DUSP19: variants seen among roughly 807,000 people sequenced by gnomAD.
The protein encoded by DUSP19 is dual specificity phosphatase 19, also known as dual specificity protein phosphatase 19.
A neutral mutation model predicts 16.6 loss-of-function variants in DUSP19; 14 were observed. That is an observed-to-expected ratio of 0.84 (90% confidence interval 0.56 to 1.32). The LOEUF (loss-of-function observed/expected upper bound fraction) is 1.32. DUSP19 is among the 40% of genes most tolerant of loss of function. DUSP19 has a pLI of 0.00. For missense variants in DUSP19, 258 were observed against 255.9 expected, an observed-to-expected ratio of 1.01 and a Z score of -0.06; for synonymous variants, 81 against 90.5, an observed-to-expected ratio of 0.90 and a Z score of 0.59.
At position 183,078,890 on chromosome 2, in the gene DUSP19, C is replaced by G; in HGVS notation, c.-44C>G. ...ACTAGCAGTTCAGCCGTTTTCTATG[C>G]CTGCTGGATTTGTTTGTATTTGTTC... On this transcript the variant is annotated 5_prime_UTR_variant, in exon 1 of 4. Transcript: ENST00000354221. 6.3e-7 allele frequency: 1 copy of G among 1,579,644 alleles called. No homozygotes were observed.
intron 3 of DUSP19, among the ~76,000 whole-genome samples, chr2:183,094,114 G>A (rs569669328): frequency 6.6e-6 from 1 of 152,232 alleles, no homozygotes; most frequent in South Asian, 2.1e-4. Context: ...AATGTAAGAT[G>A]TGAAAAAAGA....
In DUSP19 at chr2:183,099,297, A is replaced by G. The variant is rs1349069944; in HGVS notation, c.*3639A>G. ...CATGATAAATTTAAAAACAACAGAA[A>G]TGTGGCATGATTACTTATTTATTTG... On this transcript the variant is annotated 3_prime_UTR_variant, in exon 4 of 4. Coordinates refer to ENST00000354221, the MANE Select transcript of DUSP19 (RefSeq NM_080876.4). The G allele has an allele frequency of 2.6e-5, 4 of 152,210 alleles. No individual in the cohort carries two copies. Among genetic ancestry groups the G allele is most frequent in the African/African-American group, 9.6e-5 (4 of 41,460 alleles). The allele number at this position is 152,210 out of a possible 1,614,324, so 9.4% of individuals were successfully genotyped here. A position where few individuals can be genotyped will look rare whatever the true frequency, so the allele number is the denominator to read the frequency against.
intron 1 of DUSP19, 94 bp from the exon 2 acceptor site, chr2:183,083,413 CT>C (rs533797314): frequency 0.01 from 10,912 of 1,066,716 alleles, no homozygotes; most frequent in South Asian, 0.017. Flanking sequence ...AGTTGTTGGT[CT>C]TTTTTTTTTA....
chr2:183,080,557 T>C (rs1401022701), intron 1 of DUSP19, among the ~76,000 whole-genome samples: 3 of 152,226 alleles, frequency 2.0e-5, no homozygotes, highest in Admixed American at 6.5e-5. Context: ...GGCACATTTT[T>C]CAGTTATTTT....
intron 1 of DUSP19, among the ~76,000 whole-genome samples, chr2:183,082,964 T>A (rs1185260653): frequency 1.3e-5 from 2 of 151,498 alleles, no homozygotes; most frequent in Non-Finnish European, 2.9e-5. Context: ...TGCAGTGGCA[T>A]AACCATAGCT....
In DUSP19 at chr2:183,096,686, A is replaced by C. The variant is rs1324630900; in HGVS notation, c.*1028A>C. ...GTGCTTTTTATCTTGGGTGCCTAGC[A>C]TTCTGTTTTTTTGATCCTATGTCAT... is the stretch of plus-strand genomic sequence containing the variant. On this transcript the variant is annotated 3_prime_UTR_variant, in exon 4 of 4. Transcript: ENST00000354221. The C allele has an allele frequency of 6.6e-6, 1 of 150,730 alleles. No individual in the cohort carries two copies. The highest frequency in any genetic ancestry group is 1.5e-5 in the Non-Finnish European group (1 of 67,806). The allele number at this position is 150,730 out of a possible 1,614,324, so 9.3% of individuals were successfully genotyped here.
At chr2:183,095,351 G>C (rs748932935) in intron 3 of DUSP19, 80 bp from the exon 4 acceptor site, 142 of 1,047,208 alleles carry the variant, frequency 1.4e-4, no homozygotes, top group Admixed American at 2.3e-4. Flanking sequence ...ATACTTTCAA[G>C]TAGTATAAGA....
At position 183,095,687 on chromosome 2, in the gene DUSP19, G is replaced by A. The variant is rs1575098940; in HGVS notation, c.*29G>A. ...GCATTGTAGCAGACAATGGACAACT[G>A]TAGTTTCTGAATTGACTTCTATAGC... On this transcript the variant is annotated 3_prime_UTR_variant, in exon 4 of 4. Transcript: ENST00000354221. 2 of 1,553,174 alleles carry A rather than the reference G, an allele frequency of 1.3e-6. No homozygotes were observed. Among genetic ancestry groups the A allele is most frequent in the Middle Eastern group, 1.7e-4 (1 of 5,878 alleles).
chr2:183,099,767 A>T lies in DUSP19; in HGVS notation c.*4109A>T, dbSNP rs1339425387. On this transcript the variant is annotated 3_prime_UTR_variant, in exon 4 of 4. Transcript: ENST00000354221. ...TGTAATCCCAACATTTTGGGAGGCC[A>T]AGGAGATGGATCACTTGAGGCCAGG... The T allele has an allele frequency of 6.6e-6, 1 of 151,818 alleles. No individual in the cohort carries two copies. Among genetic ancestry groups the T allele is most frequent in the African/African-American group, 2.4e-5 (1 of 41,124 alleles). The allele number at this position is 151,818 out of a possible 1,614,324, so 9.4% of individuals were successfully genotyped here. A position where few individuals can be genotyped will look rare whatever the true frequency, so the allele number is the denominator to read the frequency against.
intron 3 of DUSP19, among the ~76,000 whole-genome samples, chr2:183,088,100 T>G (rs1699684725): frequency 3.9e-5 from 6 of 152,234 alleles, no homozygotes; most frequent in Non-Finnish European, 2.9e-5. Context: ...TCCATAAGAT[T>G]ATAATAATGT....
At chr2:183,086,831 GATA>G (rs1699668629) in intron 2 of DUSP19, among the ~76,000 whole-genome samples, 1 of 148,970 alleles carries the variant, frequency 6.7e-6, no homozygotes, top group South Asian at 2.1e-4. Flanking sequence ...TCTGCATGAT[GATA>G]ATAATAAGTT....
chr2:183,090,320 A>G (rs1219015008), intron 3 of DUSP19, among the ~76,000 whole-genome samples: 6 of 152,194 alleles, frequency 3.9e-5, no homozygotes, highest in African/African-American at 1.4e-4. Context: ...CTGTACTTGC[A>G]AAACTCTATT....
chr2:183,089,956 T>C (rs1464728687), intron 3 of DUSP19, among the ~76,000 whole-genome samples: 2 of 152,168 alleles, frequency 1.3e-5, no homozygotes, highest in Admixed American at 6.5e-5. Flanking sequence ...GTATTTTTAA[T>C]AGAGACGGGG....
Position 183,097,583 on chromosome 2 carries a change from T to C in DUSP19, c.*1925T>C, listed in dbSNP as rs768319951. ...CAAGATGCCATCACTTGTGATGTTA[T>C]GAACTGTTATAAACTCTTTGCTTCT... On this transcript the variant is annotated 3_prime_UTR_variant, in exon 4 of 4. Transcript: ENST00000354221. 4 of 152,194 alleles carry C rather than the reference T, an allele frequency of 2.6e-5. No individual in the cohort carries two copies. The highest frequency in any genetic ancestry group is 6.6e-5 in the Admixed American group (1 of 15,266). The allele number at this position is 152,194 out of a possible 1,614,324, so 9.4% of individuals were successfully genotyped here.
At position 183,095,508 on chromosome 2, in the gene DUSP19, T is replaced by C. The variant is rs542197769; in HGVS notation, c.504T>C (p.Ser168=). 1.4e-4 allele frequency: 227 copies of C among 1,614,068 alleles called. 3 individuals are homozygous for C. In the South Asian group the frequency reaches 2.3e-3, roughly 16 times the overall value. ...TTGTAATAGGTTTCCTGATGAATTC[T>C]GAACAAACCTCATTTACCAGTGCTT... is the stretch of plus-strand genomic sequence containing the variant. The part of the protein sequence containing the change: ...AAIVIGFLMN[S]EQTSFTSAFS... The change falls in exon 4 of 4, where the codon TCT becomes TCC. Residue 168 remains serine, a synonymous_variant. Coordinates refer to ENST00000354221, the MANE Select transcript of DUSP19 (RefSeq NM_080876.4).
intron 3 of DUSP19, among the ~76,000 whole-genome samples, chr2:183,093,103 G>C (rs901638128): frequency 1.3e-5 from 2 of 152,116 alleles, no homozygotes; most frequent in African/African-American, 4.8e-5. Flanking sequence ...AGATGTGAGG[G>C]ATACACATTG....
intron 3 of DUSP19, among the ~76,000 whole-genome samples, chr2:183,094,384 C>T (rs542353600): frequency 9.0e-4 from 137 of 152,206 alleles, no homozygotes; most frequent in African/African-American, 3.1e-3. Context: ...CTCCTGCTCT[C>T]GTCTTTTTTT....
chr2:183,084,115 C>T (rs1699629329), intron 2 of DUSP19, among the ~76,000 whole-genome samples: 1 of 152,108 alleles, frequency 6.6e-6, no homozygotes, highest in African/African-American at 2.4e-5. Flanking sequence ...AGACAAGCAG[C>T]TACCGAACAG....
chr2:183,085,115 A>G (rs1699643187), intron 2 of DUSP19, among the ~76,000 whole-genome samples: 1 of 152,222 alleles, frequency 6.6e-6, no homozygotes, highest in African/African-American at 2.4e-5. Context: ...GTGGATATGT[A>G]GGGTCTGAAG....
Sources: gnomAD v4.1 joint callset for allele counts (sites outside exome capture counted in the v4.1 genomes callset) on GRCh38, gnomAD v4.1.1 for gene constraint, MANE v1.5 for transcripts, NCBI Gene and HGNC (gene_info 2026-07-23, HGNC 2026-07-21) for gene names.